The following ADAM23 variants were observed in gnomAD, a reference collection of about 807,000 sequenced individuals.
The protein encoded by ADAM23 is ADAM metallopeptidase domain 23.
A neutral mutation model predicts 120.1 loss-of-function variants in ADAM23; 33 were observed. The ratio of observed to expected loss-of-function variants is 0.27; its 90% CI spans 0.21 to 0.37. ADAM23 has a LOEUF of 0.37. ADAM23 is among the 10% of genes least tolerant of loss of function. ADAM23 has a pLI of 1.00. For missense variants in ADAM23, 862 were observed against 1,058.2 expected (o/e 0.81, Z 2.57); for synonymous variants, 367 against 375.2 (o/e 0.98, Z 0.25).
intron 4 of ADAM23, among the ~76,000 whole-genome samples, chr2:206,535,786 G>A (rs1443107691): frequency 6.6e-6 from 1 of 152,184 alleles, no homozygotes; most frequent in Non-Finnish European, 1.5e-5. Flanking sequence ...GTAGGTTCAT[G>A]ATTGCCAGGG....
At chr2:206,583,742 A>G (rs1012993570) in intron 18 of ADAM23, among the ~76,000 whole-genome samples, 10 of 152,014 alleles carry the variant, frequency 6.6e-5, no homozygotes, top group Admixed American at 6.6e-5. Flanking sequence ...TACTATTTCC[A>G]TGAATATTTC....
chr2:206,605,690 G>T, intron 24 of ADAM23: 2 of 667,176 alleles, frequency 3.0e-6, no homozygotes, highest in South Asian at 1.6e-5. Flanking sequence ...TCAATATTTA[G>T]CCAACTTTCA....
chr2:206,500,165 G>A (rs1462342595), intron 3 of ADAM23, among the ~76,000 whole-genome samples: 1 of 151,984 alleles, frequency 6.6e-6, no homozygotes, highest in African/African-American at 2.4e-5. Flanking sequence ...TTGTTGTGTT[G>A]ATCAGATACT....
intron 2 of ADAM23, among the ~76,000 whole-genome samples, chr2:206,459,176 T>G (rs1695361851): frequency 6.6e-6 from 1 of 152,212 alleles, no homozygotes; most frequent in Admixed American, 6.5e-5. Context: ...AGACTGTAGT[T>G]AGAAGCATTT....
intron 25 of ADAM23, among the ~76,000 whole-genome samples, chr2:206,610,252 G>T (rs1276331498): frequency 6.6e-6 from 1 of 152,200 alleles, no homozygotes; most frequent in African/African-American, 2.4e-5. Context: ...TTCTTTGGTA[G>T]AAGACAGTCC....
intron 22 of ADAM23, among the ~76,000 whole-genome samples, chr2:206,593,995 G>C (rs920873115): frequency 6.6e-6 from 1 of 151,232 alleles, no homozygotes; most frequent in African/African-American, 2.4e-5. Context: ...GTTTAGATAC[G>C]TTTAGATAGG....
chr2:206,457,258 A>G (rs1233839864), intron 2 of ADAM23, among the ~76,000 whole-genome samples: 2 of 152,220 alleles, frequency 1.3e-5, no homozygotes, highest in Admixed American at 1.3e-4. Flanking sequence ...CATAACTGCC[A>G]AGATGATTAT....
intron 6 of ADAM23, among the ~76,000 whole-genome samples, chr2:206,545,976 A>G (rs750483915): frequency 1.4e-4 from 21 of 152,324 alleles, no homozygotes; most frequent in Non-Finnish European, 2.2e-4. Context: ...TAGTAGGGCA[A>G]TTTTGTAGAT....
intron 24 of ADAM23, among the ~76,000 whole-genome samples, chr2:206,602,741 A>G (rs947826455): frequency 1.3e-5 from 2 of 152,220 alleles, no homozygotes; most frequent in African/African-American, 2.4e-5. Flanking sequence ...AAGGAATTCT[A>G]CATATAAAAT....
chr2:206,532,378 T>C (rs1037492091), intron 4 of ADAM23, among the ~76,000 whole-genome samples: 5 of 152,088 alleles, frequency 3.3e-5, no homozygotes, highest in Non-Finnish European at 7.4e-5. Flanking sequence ...CAGAGGTCAT[T>C]TGAGGTCCCA....
At chr2:206,480,276 G>A (rs1024721916) in intron 2 of ADAM23, among the ~76,000 whole-genome samples, 1 of 152,014 alleles carries the variant, frequency 6.6e-6, no homozygotes, top group South Asian at 2.1e-4. Context: ...AGTATTGGGG[G>A]GAAGGAGGGA....
At chr2:206,579,314 C>T (rs1698177700) in intron 18 of ADAM23, among the ~76,000 whole-genome samples, 1 of 152,036 alleles carries the variant, frequency 6.6e-6, no homozygotes, top group Non-Finnish European at 1.5e-5. Context: ...GCCTATAAGC[C>T]AATGTCTAGA....
At chr2:206,543,535 A>G (rs1481132783) in intron 6 of ADAM23, among the ~76,000 whole-genome samples, 1 of 152,152 alleles carries the variant, frequency 6.6e-6, no homozygotes, top group Non-Finnish European at 1.5e-5. Flanking sequence ...AGGTTTTCTG[A>G]AGCAAATCCT....
At chr2:206,477,897 A>AAATATATATATATAT (rs374524658) in intron 2 of ADAM23, among the ~76,000 whole-genome samples, 22 of 93,572 alleles carry the variant, frequency 2.4e-4, no homozygotes, top group East Asian at 1.0e-3. Context: ...AAAAAAAAAA[A>AAATATATATATATAT]ATATATATAT....
At chr2:206,530,776 G>A (rs1697042856) in intron 3 of ADAM23, 109 bp from the exon 4 acceptor site, 1 of 605,678 alleles carries the variant, frequency 1.7e-6, no homozygotes, top group South Asian at 1.9e-5. Context: ...ACCATGGACT[G>A]CAGCTATTTC....
At chr2:206,563,833 C>G (rs1697820849) in intron 13 of ADAM23, among the ~76,000 whole-genome samples, 1 of 151,684 alleles carries the variant, frequency 6.6e-6, no homozygotes, top group Non-Finnish European at 1.5e-5. Flanking sequence ...GGGTTCATGC[C>G]ATTCTCCTGC....
At chr2:206,550,278 A>G (rs1449186950) in intron 9 of ADAM23, 118 bp downstream of exon 9, 2 of 497,104 alleles carry the variant, frequency 4.0e-6, no homozygotes, top group African/African-American at 4.0e-5. Flanking sequence ...CAGACATATT[A>G]AGTGACTTGA....
chr2:206,502,549 G>C (rs1696409373), intron 3 of ADAM23, among the ~76,000 whole-genome samples: 1 of 152,024 alleles, frequency 6.6e-6, no homozygotes, highest in Admixed American at 6.6e-5. Flanking sequence ...TACTCCTTGG[G>C]TTTCCAATGA....
intron 25 of ADAM23, 62 bp downstream of exon 25, chr2:206,610,062 AC>A (rs1415482699): frequency 1.4e-6 from 2 of 1,411,564 alleles, no homozygotes; most frequent in Admixed American, 7.0e-5. Flanking sequence ...TGCTTACATA[AC>A]CAAGTTTTGA....
Sources: allele counts gnomAD v4.1 joint callset (sites outside exome capture counted in the v4.1 genomes callset), GRCh38; gene constraint gnomAD v4.1.1; transcripts MANE v1.5; gene names NCBI Gene and HGNC (gene_info 2026-07-23, HGNC 2026-07-21).